The following ANKRD13C variants were observed in gnomAD, a reference collection of about 807,000 sequenced individuals.
The protein encoded by ANKRD13C is ankyrin repeat domain 13C, also known as ankyrin repeat domain-containing protein 13C.
ANKRD13C carries 16 observed loss-of-function variants against 65.5 expected under a neutral mutation model. The ratio of observed to expected loss-of-function variants is 0.24; its 90% CI spans 0.17 to 0.37. The LOEUF is 0.37. ANKRD13C is among the 10% of genes least tolerant of loss of function. The pLI, the probability that ANKRD13C is intolerant of heterozygous loss-of-function variation, is 1.00. For missense variants in ANKRD13C, 503 were observed against 655.9 expected (o/e 0.77, Z 2.55); for synonymous variants, 235 against 238.7 (o/e 0.98, Z 0.14).
intron 7 of ANKRD13C, among the ~76,000 whole-genome samples, chr1:70,296,940 T>C (rs1680103632): frequency 6.6e-6 from 1 of 152,222 alleles, no homozygotes; most frequent in African/African-American, 2.4e-5. Flanking sequence ...CTAGTGCTGG[T>C]ATATAATAAT....
intron 3 of ANKRD13C, among the ~76,000 whole-genome samples, chr1:70,321,382 G>A (rs903834922): frequency 2.6e-5 from 4 of 152,170 alleles, no homozygotes; most frequent in Non-Finnish European, 5.9e-5. Context: ...ATTTAAAATT[G>A]AAGGCTAAAT....
At chr1:70,339,812 T>TTTATTA (rs146940723) in intron 1 of ANKRD13C, among the ~76,000 whole-genome samples, 31 of 133,882 alleles carry the variant, frequency 2.3e-4, no homozygotes, top group South Asian at 5.0e-4. Flanking sequence ...GATCAGTACG[T>TTTATTA]TTATTATTAT....
At chr1:70,266,361 G>A (rs985750696) in intron 12 of ANKRD13C, among the ~76,000 whole-genome samples, 9 of 152,128 alleles carry the variant, frequency 5.9e-5, no homozygotes, top group Non-Finnish European at 1.2e-4. Flanking sequence ...CGGTATAGGT[G>A]TATCATTGTT....
At chr1:70,342,301 A>G (rs906577538) in intron 1 of ANKRD13C, among the ~76,000 whole-genome samples, 1 of 152,122 alleles carries the variant, frequency 6.6e-6, no homozygotes, top group South Asian at 2.1e-4. Flanking sequence ...GCACTTTAGG[A>G]GGCAGAAGTG....
intron 5 of ANKRD13C, among the ~76,000 whole-genome samples, chr1:70,309,563 G>C (rs1305096987): frequency 1.3e-5 from 2 of 149,398 alleles, no homozygotes; most frequent in Non-Finnish European, 3.0e-5. Flanking sequence ...CTAAAAAAAA[G>C]AAAATACAAA....
At chr1:70,283,991 T>A (rs1679514491) in intron 9 of ANKRD13C, among the ~76,000 whole-genome samples, 1 of 152,088 alleles carries the variant, frequency 6.6e-6, no homozygotes, top group African/African-American at 2.4e-5. Flanking sequence ...CAAGTACCCA[T>A]GATTTAAGAA....
At position 70,353,939 on chromosome 1, in the gene ANKRD13C, C is replaced by T. The variant is rs202115194; in HGVS notation, c.430+40G>A. ...AGCCTGGGGAGGCACACCCTAGGCT[C>T]GGGGAAGGAGAGAGGTGGAGAGGGG... On this transcript the variant is annotated intron_variant, in intron 1 of 12. Coordinates refer to ENST00000370944, the MANE Select transcript of ANKRD13C (RefSeq NM_030816.5). 2.0e-6 allele frequency: 3 copies of T among 1,476,950 alleles called. No individual in the cohort carries two copies. In the Admixed American group the frequency reaches 7.6e-5, roughly 38 times the overall value. 91.5% of individuals were successfully genotyped at this position (1,476,950 alleles called of 1,614,324 possible).
intron 11 of ANKRD13C, among the ~76,000 whole-genome samples, chr1:70,272,990 A>AAAATAAATAAATAAATAAAT (rs56932890): frequency 1.4e-4 from 20 of 147,186 alleles, no homozygotes; most frequent in Admixed American, 9.6e-4. Flanking sequence ...TCTGTCTCAA[A>AAAATAAATAAATAAATAAAT]AAATAAATAA....
intron 5 of ANKRD13C, among the ~76,000 whole-genome samples, chr1:70,309,732 A>T (rs5014466): frequency 0.78 from 86,743 of 111,768 alleles, 33,789 homozygotes; most frequent in Non-Finnish European, 0.81. Context: ...AAAAAAAAAA[A>T]AATAATAATA....
chr1:70,321,461 C>G (rs539011459), intron 3 of ANKRD13C, among the ~76,000 whole-genome samples: 1 of 152,118 alleles, frequency 6.6e-6, no homozygotes, highest in Non-Finnish European at 1.5e-5. Flanking sequence ...ACATTAACAC[C>G]TTTGATGTGC....
intron 5 of ANKRD13C, among the ~76,000 whole-genome samples, chr1:70,311,534 GAAA>G (rs1198113447): frequency 1.3e-5 from 2 of 151,816 alleles, no homozygotes; most frequent in East Asian, 3.9e-4. Context: ...TTCCATGGGA[GAAA>G]AAAAACCTAA....
intron 3 of ANKRD13C, among the ~76,000 whole-genome samples, chr1:70,318,961 A>C (rs998253563): frequency 6.6e-6 from 1 of 152,148 alleles, no homozygotes; most frequent in Non-Finnish European, 1.5e-5. Flanking sequence ...GATTGCAGGC[A>C]TGAGCCACCA....
At chr1:70,284,098 G>A (rs1470475283) in intron 9 of ANKRD13C, among the ~76,000 whole-genome samples, 1 of 152,024 alleles carries the variant, frequency 6.6e-6, no homozygotes, top group Non-Finnish European at 1.5e-5. Flanking sequence ...AAAAGCAGAA[G>A]AGGCACAGTA....
chr1:70,321,038 G>A (rs1681285356), intron 3 of ANKRD13C, among the ~76,000 whole-genome samples: 1 of 152,116 alleles, frequency 6.6e-6, no homozygotes, highest in South Asian at 2.1e-4. Context: ...CCAAAGCGCT[G>A]GGGTTACTGG....
intron 5 of ANKRD13C, among the ~76,000 whole-genome samples, chr1:70,310,379 G>A (rs1680799432): frequency 1.3e-5 from 2 of 152,160 alleles, no homozygotes; most frequent in South Asian, 4.1e-4. Context: ...ATAAGCCAAT[G>A]GGTTTCGTTT....
At chr1:70,315,677 G>A (rs899688230) in intron 3 of ANKRD13C, 111 bp from the exon 4 acceptor site, 1 of 761,632 alleles carries the variant, frequency 1.3e-6, no homozygotes, top group East Asian at 2.8e-5. Flanking sequence ...ATATGCACGT[G>A]CATGTATGTG....
intron 8 of ANKRD13C, among the ~76,000 whole-genome samples, chr1:70,295,004 T>G (rs1202695593): frequency 6.6e-6 from 1 of 152,084 alleles, no homozygotes; most frequent in Non-Finnish European, 1.5e-5. Context: ...CCTTACTCTT[T>G]TTTTCTTCCT....
chr1:70,335,333 G>C (rs202016199), intron 2 of ANKRD13C, among the ~76,000 whole-genome samples: 1 of 151,422 alleles, frequency 6.6e-6, no homozygotes. Flanking sequence ...TTAAACCTGG[G>C]AGGCAGAGGT....
chr1:70,279,593 C>T (rs1276292870), intron 9 of ANKRD13C, among the ~76,000 whole-genome samples: 1 of 150,722 alleles, frequency 6.6e-6, no homozygotes, highest in Non-Finnish European at 1.5e-5. Context: ...GCAACCTCCG[C>T]CTCCCAGGTT....
Sources: allele counts gnomAD v4.1 joint callset (sites outside exome capture counted in the v4.1 genomes callset), GRCh38; gene constraint gnomAD v4.1.1; transcripts MANE v1.5; gene names NCBI Gene and HGNC (gene_info 2026-07-23, HGNC 2026-07-21).